INPP4B: variants seen among roughly 807,000 people sequenced by gnomAD.
The protein encoded by INPP4B is inositol polyphosphate 4-phosphatase type II.
A neutral mutation model predicts 122.5 loss-of-function variants in INPP4B; 55 were observed. That is an observed-to-expected ratio of 0.45 (90% CI 0.36 to 0.56). The LOEUF (loss-of-function observed/expected upper bound fraction) is 0.56, where lower values mean the gene tolerates loss of function less well. Among genes scored for constraint, INPP4B ranks in the 20% least tolerant of loss-of-function variants. The pLI, the probability that INPP4B is intolerant of heterozygous loss-of-function variation, is 0.00. For synonymous variants in INPP4B, 403 were observed against 388.7 expected, an observed-to-expected ratio of 1.04 and a Z score of -0.43; for missense variants, 1,000 against 1,097.7, an observed-to-expected ratio of 0.91 and a Z score of 1.26.
At chr4:142,373,611 T>C (rs1291201081) in intron 7 of INPP4B, among the ~76,000 whole-genome samples, 2 of 151,948 alleles carry the variant, frequency 1.3e-5, no homozygotes, top group Non-Finnish European at 2.9e-5. Context: ...TAATAGTATC[T>C]ATGTCTTAGT....
intron 2 of INPP4B, among the ~76,000 whole-genome samples, chr4:142,584,671 C>A (rs971016761): frequency 6.6e-6 from 1 of 151,996 alleles, no homozygotes; most frequent in Admixed American, 6.6e-5. Flanking sequence ...TTGATTTGAC[C>A]TTAATCACCT....
In INPP4B at chr4:142,534,323, C is replaced by A. The variant is rs1827945136; in HGVS notation, c.-190-71597G>T. 3.3e-5 allele frequency among the ~76,000 whole-genome samples: 5 copies of A among 152,048 alleles called. No individual in the cohort carries two copies. In the South Asian group the frequency reaches 1.0e-3, roughly 32 times the overall value. On this transcript the variant is annotated intron_variant, in intron 2 of 25. Coordinates refer to ENST00000262992, the MANE Select transcript of INPP4B (RefSeq NM_001101669.3). Reference sequence around the variant, plus strand: ...CGTTGAAACTTAATCCCCAGTGCAACAGTATTAAGAGATGTTGCCTTTGGG... The same window carrying A: ...CGTTGAAACTTAATCCCCAGTGCAAAAGTATTAAGAGATGTTGCCTTTGGG...
chr4:142,675,085 A>G (rs988204018), intron 2 of INPP4B, among the ~76,000 whole-genome samples: 1 of 152,206 alleles, frequency 6.6e-6, no homozygotes, highest in East Asian at 1.9e-4. Flanking sequence ...TTTTGAAAAG[A>G]TCAACAAAAT....
At chr4:142,276,035 C>A (rs886762121) in intron 9 of INPP4B, among the ~76,000 whole-genome samples, 2 of 151,668 alleles carry the variant, frequency 1.3e-5, no homozygotes, top group East Asian at 3.9e-4. Context: ...AAAACCAAAA[C>A]CAAAAATATT....
intron 7 of INPP4B, among the ~76,000 whole-genome samples, chr4:142,321,700 T>G (rs901878122): frequency 7.9e-5 from 12 of 152,140 alleles, no homozygotes; most frequent in African/African-American, 2.7e-4. Context: ...TTTCCCTACT[T>G]TATGTTTCCC....
intron 2 of INPP4B, among the ~76,000 whole-genome samples, chr4:142,592,464 A>C (rs1471117191): frequency 6.6e-6 from 1 of 152,200 alleles, no homozygotes; most frequent in African/African-American, 2.4e-5. Context: ...AATAATAAGA[A>C]AGTTATTTAA....
chr4:142,552,335 A>G (rs1383018500), intron 2 of INPP4B, among the ~76,000 whole-genome samples: 1 of 152,118 alleles, frequency 6.6e-6, no homozygotes, highest in Non-Finnish European at 1.5e-5. Context: ...AATGATGCTG[A>G]GGCTGCTAAT....
At chr4:142,042,540 A>G (rs866391387) in intron 25 of INPP4B, among the ~76,000 whole-genome samples, 23 of 90,732 alleles carry the variant, frequency 2.5e-4, no homozygotes, top group African/African-American at 5.5e-4. Context: ...GTATGTATGT[A>G]TGTATGTATG....
intron 15 of INPP4B, among the ~76,000 whole-genome samples, chr4:142,179,442 C>G (rs1259475386): frequency 8.4e-6 from 1 of 119,520 alleles, no homozygotes; most frequent in Non-Finnish European, 1.6e-5. Context: ...CACTGCACTC[C>G]AGTGAGGGCA....
intron 2 of INPP4B, among the ~76,000 whole-genome samples, chr4:142,530,747 A>G (rs1827510742): frequency 6.6e-6 from 1 of 152,040 alleles, no homozygotes; most frequent in Non-Finnish European, 1.5e-5. Context: ...GAACAAATCA[A>G]AATATCTGGA....
chr4:142,602,057 C>T (rs562600429), intron 2 of INPP4B, among the ~76,000 whole-genome samples: 1 of 150,042 alleles, frequency 6.7e-6, no homozygotes, highest in East Asian at 2.0e-4. Context: ...TTAAAAAATA[C>T]TAAGGATCTA....
chr4:142,436,063 C>A (rs1236383750), intron 3 of INPP4B, among the ~76,000 whole-genome samples: 2 of 152,224 alleles, frequency 1.3e-5, no homozygotes, highest in African/African-American at 2.4e-5. Flanking sequence ...CACTTTACCC[C>A]TGCTGAAGCC....
In INPP4B at chr4:142,174,632, C is replaced by T. The variant is rs1311622130; in HGVS notation, c.1182-823G>A. ...TTATTAACTAAAGAATTATTGACTTCTTTTTTTTAAGAGACAGGATCTCAC... is the reference window on the plus strand; with the variant it reads ...TTATTAACTAAAGAATTATTGACTTTTTTTTTTTAAGAGACAGGATCTCAC... On this transcript the variant is annotated intron_variant, in intron 15 of 25. Transcript: ENST00000262992. 2.6e-5 allele frequency among the ~76,000 whole-genome samples: 4 copies of T among 151,226 alleles called. No individual in the cohort carries two copies. The East Asian group carries it at 5.9e-4, about 22-fold the overall frequency.
At chr4:142,383,324 A>G (rs1794856686) in intron 7 of INPP4B, among the ~76,000 whole-genome samples, 1 of 152,124 alleles carries the variant, frequency 6.6e-6, no homozygotes, top group Non-Finnish European at 1.5e-5. Context: ...TTTTTTCCCA[A>G]TATAGTCACA....
intron 1 of INPP4B, among the ~76,000 whole-genome samples, chr4:142,790,699 T>C (rs1776424012): frequency 6.6e-6 from 1 of 152,012 alleles, no homozygotes; most frequent in Non-Finnish European, 1.5e-5. Context: ...TTAAACTGAT[T>C]AACTATTAAA....
chr4:142,488,690 T>G (rs148977502), intron 2 of INPP4B, among the ~76,000 whole-genome samples: 63 of 152,252 alleles, frequency 4.1e-4, no homozygotes, highest in African/African-American at 1.4e-3. Context: ...CTGTTCATAA[T>G]ACTCCCTATA....
At chr4:142,411,485 G>A (rs1252153778) in intron 5 of INPP4B, among the ~76,000 whole-genome samples, 1 of 152,148 alleles carries the variant, frequency 6.6e-6, no homozygotes, top group Non-Finnish European at 1.5e-5. Flanking sequence ...CACCTCTTAT[G>A]CCCTCTACAG....
At chr4:142,673,106 C>T (rs1757233660) in intron 2 of INPP4B, among the ~76,000 whole-genome samples, 1 of 152,106 alleles carries the variant, frequency 6.6e-6, no homozygotes, top group Admixed American at 6.6e-5. Flanking sequence ...CTGTCCTTTA[C>T]CTAGACCACA....
chr4:142,258,142 C>T (rs1304834258), intron 11 of INPP4B, among the ~76,000 whole-genome samples: 2 of 151,990 alleles, frequency 1.3e-5, no homozygotes, highest in African/African-American at 4.8e-5. Context: ...GGAAAACTGG[C>T]TAGCCATATG....
Sources: gnomAD v4.1 joint callset for allele counts (sites outside exome capture counted in the v4.1 genomes callset) on GRCh38, gnomAD v4.1.1 for gene constraint, MANE v1.5 for transcripts, NCBI Gene and HGNC (gene_info 2026-07-23, HGNC 2026-07-21) for gene names.